Variants in PARVB observed in about 807,000 individuals in gnomAD.
PARVB encodes beta-parvin.
A neutral mutation model predicts 47.0 loss-of-function variants in PARVB; 46 were observed. The ratio of observed to expected loss-of-function variants is 0.98; its 90% CI spans 0.77 to 1.25. The LOEUF is 1.25. Ranked by LOEUF, PARVB falls within the 50% of genes most tolerant of loss-of-function variation. The pLI is 0.00. For missense variants in PARVB, 473 were observed against 471.6 expected (o/e 1.00, Z -0.03); for synonymous variants, 196 against 196.3 (o/e 1.00, Z 0.01).
At chr22:44,069,027 G>T (rs759863604) in intron 1 of PARVB, 1 of 1,217,676 alleles carries the variant, frequency 8.2e-7, no homozygotes, top group East Asian at 2.4e-5. Flanking sequence ...CCCCAAAGAG[G>T]CTTTCCCTTG....
At chr22:44,074,038 T>G (rs1601562085) in intron 1 of PARVB, among the ~76,000 whole-genome samples, 2 of 152,228 alleles carry the variant, frequency 1.3e-5, no homozygotes, top group Non-Finnish European at 2.9e-5. Context: ...AGGACCCTTC[T>G]TTGGGATCCT....
At chr22:44,113,211 A>G (rs1343823144) in intron 3 of PARVB, 1 of 126,970 alleles carries the variant, frequency 7.9e-6, no homozygotes, top group Non-Finnish European at 1.6e-5. Flanking sequence ...GTTACTAACT[A>G]AGGCCCTGCA....
At chr22:44,007,691 A>G (rs1028791485) in intron 2 of PARVB, among the ~76,000 whole-genome samples, 2 of 152,182 alleles carry the variant, frequency 1.3e-5, no homozygotes, top group Admixed American at 6.5e-5. Context: ...TAAAATGCAC[A>G]TAAAATGTAC....
In PARVB at chr22:44,169,186, G is replaced by T; in HGVS notation, c.*508G>T. 6.6e-6 allele frequency: 1 copy of T among 150,510 alleles called. No individual in the cohort carries two copies. The highest frequency in any genetic ancestry group is 2.0e-4 in the South Asian group (1 of 4,884). The allele number at this position is 150,510 out of a possible 1,614,324, so 9.3% of individuals were successfully genotyped here. A position where few individuals can be genotyped will look rare whatever the true frequency, so the allele number is the denominator to read the frequency against. On this transcript the variant is annotated 3_prime_UTR_variant, in exon 13 of 13. Coordinates refer to ENST00000338758, the MANE Select transcript of PARVB (RefSeq NM_013327.5). ...TGGGCTGGGCTCTCCTTGGAAGTGA[G>T]GCCTTTTATTAAAAATAAAAGGGTT...
At chr22:44,139,940 G>T in intron 7 of PARVB, 184 bp from the exon 8 acceptor site, 1 of 404,864 alleles carries the variant, frequency 2.5e-6, no homozygotes, top group South Asian at 3.2e-5. Context: ...AGCACCTCTC[G>T]TTTATAATTA....
intron 3 of PARVB, chr22:44,108,288 T>G (rs1352547093): frequency 6.6e-6 from 1 of 152,220 alleles, no homozygotes; most frequent in Non-Finnish European, 1.5e-5. Context: ...GGCCCTGATT[T>G]GTAATCAGTG....
intron 1 of PARVB, among the ~76,000 whole-genome samples, chr22:44,052,037 T>C (rs907607598): frequency 2.0e-5 from 3 of 152,204 alleles, no homozygotes; most frequent in Non-Finnish European, 4.4e-5. Flanking sequence ...GCCGACACCT[T>C]GATCTCAGAC....
Position 44,155,937 on chromosome 22 carries a change from G to A in PARVB, c.844-2045G>A, listed in dbSNP as rs1247699848. 1.3e-5 allele frequency among the ~76,000 whole-genome samples: 2 copies of A among 152,088 alleles called. No homozygotes were observed. Among genetic ancestry groups the A allele is most frequent in the African/African-American group, 2.4e-5 (1 of 41,408 alleles). ...GGTGGCCGAGGTGGGTGGATCATGA[G>A]GTCAGGAGTTCAAGACCAGCCTGAC... On this transcript the variant is annotated intron_variant, in intron 10 of 12. Coordinates refer to ENST00000338758, the MANE Select transcript of PARVB (RefSeq NM_013327.5). This position sits in a 1 kb window ranked among gnomAD's most constrained non-coding sequence, Gnocchi z 4.8.
At chr22:44,158,402 G>A (rs988018648) in intron 11 of PARVB, among the ~76,000 whole-genome samples, 4 of 152,186 alleles carry the variant, frequency 2.6e-5, no homozygotes, top group Admixed American at 2.0e-4. Flanking sequence ...TCCACCACCT[G>A]TGGTTTTCCC....
intron 2 of PARVB, among the ~76,000 whole-genome samples, chr22:44,007,886 C>T (rs761545993): frequency 3.3e-5 from 5 of 152,136 alleles, no homozygotes; most frequent in African/African-American, 4.8e-5. Context: ...TAATTTGACT[C>T]CTCTAGGTGC....
intron 4 of PARVB, among the ~76,000 whole-genome samples, chr22:44,129,491 C>T (rs547048180): frequency 1.7e-4 from 26 of 152,304 alleles, no homozygotes; most frequent in Middle Eastern, 3.4e-3. Context: ...GCAACGGGGG[C>T]GCGTCAGGCT....
chr22:44,026,719 C>A (rs1275391958), intron 1 of PARVB, among the ~76,000 whole-genome samples: 7 of 152,148 alleles, frequency 4.6e-5, no homozygotes, highest in Admixed American at 2.0e-4. Context: ...GTTTCCACGA[C>A]CCTGCCTGCT....
At chr22:44,120,541 G>T (rs149785108) in intron 4 of PARVB, among the ~76,000 whole-genome samples, 1 of 152,130 alleles carries the variant, frequency 6.6e-6, no homozygotes, top group African/African-American at 2.4e-5. Context: ...TGGGGGCATC[G>T]TATCAGGAGG....
chr22:44,165,683 G>A (rs924458197), intron 12 of PARVB, among the ~76,000 whole-genome samples: 4 of 152,206 alleles, frequency 2.6e-5, no homozygotes, highest in Admixed American at 1.3e-4. Context: ...GATGGGGGGC[G>A]GATGTTCATC....
intron 3 of PARVB, chr22:44,108,670 G>T (rs1453029887): frequency 2.6e-5 from 4 of 152,106 alleles, no homozygotes. Flanking sequence ...GGCAGGGGTG[G>T]ATCTCACAAA....
upstream of PARVB, among the ~76,000 whole-genome samples, chr22:44,023,181 G>C (rs770738876): frequency 2.0e-5 from 3 of 152,204 alleles, no homozygotes; most frequent in Non-Finnish European, 4.4e-5. Context: ...CCATCAGCCA[G>C]AGGCAACATC....
intron 4 of PARVB, among the ~76,000 whole-genome samples, chr22:44,128,780 T>G (rs2053246112): frequency 6.6e-6 from 1 of 152,154 alleles, no homozygotes; most frequent in South Asian, 2.1e-4. Flanking sequence ...TGACTGTATT[T>G]ATAGAGATAA....
chr22:44,044,150 T>C (rs111393439), intron 1 of PARVB, among the ~76,000 whole-genome samples: 166 of 151,856 alleles, frequency 1.1e-3, no homozygotes, highest in Middle Eastern at 3.4e-3. Context: ...GGCCCACAAA[T>C]GGTCAAAAAC....
intron 2 of PARVB, among the ~76,000 whole-genome samples, chr22:44,010,300 A>G (rs1486141191): frequency 6.6e-6 from 1 of 152,112 alleles, no homozygotes; most frequent in Non-Finnish European, 1.5e-5. Flanking sequence ...GCTTAACCCC[A>G]TGTGATGAAT....
Sources: gnomAD v4.1 joint callset for allele counts (sites outside exome capture counted in the v4.1 genomes callset) on GRCh38, gnomAD v4.1.1 for gene constraint, Gnocchi (gnomAD v3.1) non-coding constraint, MANE v1.5 for transcripts, NCBI Gene and HGNC (gene_info 2026-07-23, HGNC 2026-07-21) for gene names.